Variants in SERTAD4 observed in about 807,000 individuals in gnomAD.
The protein encoded by SERTAD4 is SERTA domain-containing protein 4.
A neutral mutation model predicts 32.9 loss-of-function variants in SERTAD4; 18 were observed. That is an observed-to-expected ratio of 0.55 (90% CI 0.38 to 0.81). The LOEUF (loss-of-function observed/expected upper bound fraction) is 0.81, where lower values mean the gene tolerates loss of function less well. Ranked by LOEUF, SERTAD4 falls within the 30% of genes least tolerant of loss-of-function variation. The pLI is 0.00. For missense variants in SERTAD4, 383 were observed against 426.0 expected (o/e 0.90, Z 0.89); for synonymous variants, 150 against 156.4 (o/e 0.96, Z 0.30).
rs148236738 is a variant in SERTAD4, at chr1:210,241,804, A to G, written c.538A>G (p.Lys180Glu). 9 of 1,614,040 alleles carry G rather than the reference A, an allele frequency of 5.6e-6. No individual in the cohort carries two copies. In the African/African-American group the frequency reaches 1.2e-4, roughly 22 times the overall value. ...CPYRKRPRMA[K>E]EECEKFHACC... ...TTACCGAAAACGACCACGGATGGCC[A>G]AAGAGGAATGTGAAAAGTTTCATGC... Residue 180 changes from lysine (K) to glutamate (E), a missense_variant, in exon 4 of 4, where the codon AAA becomes GAA. Transcript: ENST00000367012.
At position 210,243,174 on chromosome 1, in the gene SERTAD4, T is replaced by C. The variant is rs1173452965; in HGVS notation, c.*837T>C. 1 of 964,922 alleles carries C rather than the reference T, an allele frequency of 1.0e-6. No individual in the cohort carries two copies. The highest frequency in any genetic ancestry group is 1.8e-5 in the African/African-American group (1 of 56,376). The allele number at this position is 964,922 out of a possible 1,614,324, so 59.8% of individuals were successfully genotyped here. A position where few individuals can be genotyped will look rare whatever the true frequency, so the allele number is the denominator to read the frequency against. The stretch of plus-strand genomic sequence containing the variant: ...TAACTTTGAACTATTGTGTTCAGCT[T>C]TTGATTCGACATCTCTATTCTTTAT... On this transcript the variant is annotated 3_prime_UTR_variant, in exon 4 of 4. Coordinates refer to ENST00000367012, the MANE Select transcript of SERTAD4 (RefSeq NM_019605.5).
chr1:210,238,900 A>C (rs2083969564), intron 2 of SERTAD4, among the ~76,000 whole-genome samples: 1 of 152,188 alleles, frequency 6.6e-6, no homozygotes, highest in Non-Finnish European at 1.5e-5. Context: ...AAGATTAAAA[A>C]CTGTGGTCTT....
intron 3 of SERTAD4, among the ~76,000 whole-genome samples, chr1:210,240,008 A>G (rs2083979297): frequency 6.6e-6 from 1 of 152,112 alleles, no homozygotes; most frequent in African/African-American, 2.4e-5. Flanking sequence ...GTGTGTCCAC[A>G]TGGGGGTGGT....
chr1:210,233,205 C>T (rs1344357319), intron 1 of SERTAD4, among the ~76,000 whole-genome samples, 194 bp downstream of exon 1: 1 of 152,006 alleles, frequency 6.6e-6, no homozygotes. Flanking sequence ...GGCGTGGGGG[C>T]CAAGGCACAG....
intron 2 of SERTAD4, 58 bp downstream of exon 2, chr1:210,238,193 C>A: frequency 9.5e-7 from 1 of 1,053,292 alleles, no homozygotes; most frequent in Non-Finnish European, 1.4e-6. Context: ...TGCAGCCAGC[C>A]TGGTGGACAG....
chr1:210,233,953 TTGG>T, intron 1 of SERTAD4: 1 of 413,598 alleles, frequency 2.4e-6, no homozygotes, highest in Non-Finnish European at 4.8e-6. Flanking sequence ...AATCCTACCT[TTGG>T]TGTTTATTTC....
rs1163453806 is a variant in SERTAD4 at position 210,242,250 on chromosome 1, A to G, written c.984A>G (p.Val328=). Residue 328 remains valine (V), a synonymous_variant, in exon 4 of 4, where the codon GTA becomes GTG. Transcript: ENST00000367012. The surrounding 1 kb of genome is among the most constrained non-coding windows in gnomAD (Gnocchi z 4.0). ...FETGYNERNN[V]NESWKKSLRK... ...CCGGATATAATGAAAGAAACAATGTAAATGAATCTTGGAAAAAGTCCTTAC... is the reference window on the plus strand; with the variant it reads ...CCGGATATAATGAAAGAAACAATGTGAATGAATCTTGGAAAAAGTCCTTAC... 1 of 1,613,298 alleles carries G rather than the reference A, an allele frequency of 6.2e-7. No homozygotes were observed. The highest frequency in any genetic ancestry group is 2.2e-5 in the East Asian group (1 of 44,886).
At chr1:210,240,601 T>G (rs1558257430) in intron 3 of SERTAD4, among the ~76,000 whole-genome samples, 1 of 152,204 alleles carries the variant, frequency 6.6e-6, no homozygotes, top group Non-Finnish European at 1.5e-5. Context: ...ACAAGCAGTT[T>G]ATTTCCTTTT....
Position 210,242,302 on chromosome 1 carries a change from A to G in SERTAD4, c.1036A>G (p.Asn346Asp). 1 of 1,600,628 alleles carries G rather than the reference A, an allele frequency of 6.2e-7. No individual in the cohort carries two copies. The highest frequency in any genetic ancestry group is 8.5e-7 in the Non-Finnish European group (1 of 1,174,964). ...LRKKEASPPSNKLCCSKGSKI is the reference protein window; with the variant it reads ...LRKKEASPPSDKLCCSKGSKI ...GAAAAAGGAGGCTTCACCACCAAGTAACAAACTGTGCTGCAGCAAAGGAAG... is the reference window on the plus strand; with the variant it reads ...GAAAAAGGAGGCTTCACCACCAAGTGACAAACTGTGCTGCAGCAAAGGAAG... Residue 346 changes from asparagine to aspartate, a missense_variant, in exon 4 of 4, where the codon AAC becomes GAC. Around this residue, in one of 3 missense-constraint regions of SERTAD4, gnomAD observed 180 missense variants for 190.6 expected, o/e 0.94. Transcript: ENST00000367012. This position sits in a 1 kb window ranked among gnomAD's most constrained non-coding sequence, Gnocchi z 4.0.
intron 2 of SERTAD4, among the ~76,000 whole-genome samples, chr1:210,238,542 G>A (rs2083965863): frequency 1.3e-5 from 2 of 152,118 alleles, no homozygotes; most frequent in Admixed American, 6.5e-5. Context: ...CTGCACTTTG[G>A]GCCAGCAGCT....
At chr1:210,240,608 T>C (rs543694273) in intron 3 of SERTAD4, among the ~76,000 whole-genome samples, 17 of 152,330 alleles carry the variant, frequency 1.1e-4, no homozygotes, top group African/African-American at 3.6e-4. Flanking sequence ...GTTTATTTCC[T>C]TTTTAGTTTC....
rs1485626237 is a variant in SERTAD4 at position 210,243,714 on chromosome 1, A to G, written c.*1377A>G. ...TCCACTCCAGCCAACTCTTCCTGCT[A>G]AACTGTATTCCAGTTTCCAAGTTTA... is the stretch of plus-strand genomic sequence containing the variant. On this transcript the variant is annotated 3_prime_UTR_variant, in exon 4 of 4. Transcript: ENST00000367012. 1 of 152,210 alleles carries G rather than the reference A, an allele frequency of 6.6e-6. No individual in the cohort carries two copies. Among genetic ancestry groups the G allele is most frequent in the Non-Finnish European group, 1.5e-5 (1 of 68,046 alleles). 9.4% of individuals were successfully genotyped at this position (152,210 alleles called of 1,614,324 possible).
At chr1:210,234,609 TA>T (rs905264515) in intron 1 of SERTAD4, among the ~76,000 whole-genome samples, 1 of 152,200 alleles carries the variant, frequency 6.6e-6, no homozygotes, top group African/African-American at 2.4e-5. Flanking sequence ...TGATGCCATT[TA>T]AAACTGGCAG....
At chr1:210,239,702 C>A in intron 3 of SERTAD4, 94 bp downstream of exon 3, 2 of 714,966 alleles carry the variant, frequency 2.8e-6, no homozygotes, top group South Asian at 2.2e-5. Context: ...TTGTTTCACC[C>A]AAGCAATGAA....
Position 210,242,201 on chromosome 1 carries a change from G to A in SERTAD4, c.935G>A (p.Gly312Asp), listed in dbSNP as rs769880634. The A allele has an allele frequency of 1.9e-6, 3 of 1,614,148 alleles. No homozygotes were observed. Among genetic ancestry groups the A allele is most frequent in the African/African-American group, 2.7e-5 (2 of 75,020 alleles). The change falls in exon 4 of 4, where the codon GGC (glycine) becomes GAC (aspartate). Residue 312 changes from glycine to aspartate, a missense_variant. Gly to Asp is a moderately conservative substitution (Grantham distance 94). Around this residue, in one of 3 missense-constraint regions of SERTAD4, gnomAD observed 180 missense variants for 190.6 expected, o/e 0.94. Transcript: ENST00000367012. This position sits in a 1 kb window ranked among gnomAD's most constrained non-coding sequence, Gnocchi z 4.0. Reference protein sequence around the residue: ...VGNDLAFECKGQFYDYFETGY... With the variant: ...VGNDLAFECKDQFYDYFETGY... ...AATGACCTTGCTTTTGAGTGCAAAG[G>A]CCAATTTTATGATTATTTTGAGACC... is the stretch of plus-strand genomic sequence containing the variant.
chr1:210,242,874 G>A lies in SERTAD4; in HGVS notation c.*537G>A, dbSNP rs1184018742. Reference sequence around the variant, plus strand: ...AGTCTTGTGTGACAGATGAAAATAGGATGTAACATAATGAAACACACCTGT... The same window carrying A: ...AGTCTTGTGTGACAGATGAAAATAGAATGTAACATAATGAAACACACCTGT... On this transcript the variant is annotated 3_prime_UTR_variant, in exon 4 of 4. Coordinates refer to ENST00000367012, the MANE Select transcript of SERTAD4 (RefSeq NM_019605.5). This position sits in a 1 kb window ranked among gnomAD's most constrained non-coding sequence, Gnocchi z 4.0. 3 of 985,928 alleles carry A rather than the reference G, an allele frequency of 3.0e-6. No homozygotes were observed. The highest frequency in any genetic ancestry group is 3.6e-6 in the Non-Finnish European group (3 of 830,200). The allele number at this position is 985,928 out of a possible 1,614,324, so 61.1% of individuals were successfully genotyped here.
At position 210,242,919 on chromosome 1, in the gene SERTAD4, G is replaced by A; in HGVS notation, c.*582G>A. ...ACCTGTCTAGGGGCGGCAATCAACA[G>A]TCTTACACAGAGAGGGTATTCCCTG... On this transcript the variant is annotated 3_prime_UTR_variant, in exon 4 of 4. Transcript: ENST00000367012. The surrounding 1 kb of genome is among the most constrained non-coding windows in gnomAD (Gnocchi z 4.0). 2 of 985,920 alleles carry A rather than the reference G, an allele frequency of 2.0e-6. No homozygotes were observed. The highest frequency in any genetic ancestry group is 2.4e-6 in the Non-Finnish European group (2 of 830,074). 61.1% of individuals were successfully genotyped at this position (985,920 alleles called of 1,614,324 possible).
At chr1:210,239,423 C>T (rs1167086136) in intron 2 of SERTAD4, 70 bp from the exon 3 acceptor site, 12 of 871,866 alleles carry the variant, frequency 1.4e-5, no homozygotes, top group African/African-American at 5.0e-5. Flanking sequence ...GGAAAGGAAA[C>T]GAAAGTATTT....
Position 210,242,103 on chromosome 1 carries a change from C to G in SERTAD4, c.837C>G (p.Ala279=). The part of the protein sequence containing the change: ...NVRSLGVQEK[A]KLNDEKANDD... ...GATCACTTGGTGTTCAGGAAAAGGC[C>G]AAATTAAATGATGAGAAAGCAAATG... The change falls in exon 4 of 4, where the codon GCC becomes GCG. Residue 279 remains alanine (A), a synonymous_variant. Transcript: ENST00000367012. The surrounding 1 kb of genome is among the most constrained non-coding windows in gnomAD (Gnocchi z 4.0). The G allele has an allele frequency of 6.2e-7, 1 of 1,614,130 alleles. No homozygotes were observed. Among genetic ancestry groups the G allele is most frequent in the Non-Finnish European group, 8.5e-7 (1 of 1,180,026 alleles).
Sources: gnomAD v4.1 joint callset for allele counts (sites outside exome capture counted in the v4.1 genomes callset) on GRCh38, gnomAD v4.1.1 for gene constraint, gnomAD v4.1.1 regional missense constraint, Gnocchi (gnomAD v3.1) non-coding constraint, MANE v1.5 for transcripts, NCBI Gene and HGNC (gene_info 2026-07-23, HGNC 2026-07-21) for gene names.